Variants in KDM4C observed in about 807,000 individuals in gnomAD.
KDM4C encodes lysine demethylase 4C, also known as lysine-specific demethylase 4C.
Under a neutral mutation model 129.3 loss-of-function variants are expected in KDM4C, and 81 were observed. The observed-to-expected ratio is 0.63, with a 90% CI of 0.52 to 0.75. The LOEUF (loss-of-function observed/expected upper bound fraction) is 0.75, where lower values mean the gene tolerates loss of function less well. KDM4C is among the 30% of genes least tolerant of loss of function. The probability of loss-of-function intolerance (pLI) is 0.00; values close to 1 mark genes in which losing one functional copy is unlikely to be tolerated. For missense variants in KDM4C, 1,457 were observed against 1,304.0 expected (o/e 1.12, Z -1.81); for synonymous variants, 573 against 456.1 (o/e 1.26, Z -3.26).
In KDM4C at chr9:6,984,100, A is replaced by G. The variant is rs368424371; in HGVS notation, c.1116-66A>G. On this transcript the variant is annotated intron_variant, in intron 9 of 21. Transcript: ENST00000381309. ...TTAAGCAAGTGAAAATGACATTTATATTGGGATGTGTTTTTCATATCCATT... is the reference window on the plus strand; with the variant it reads ...TTAAGCAAGTGAAAATGACATTTATGTTGGGATGTGTTTTTCATATCCATT... The G allele has an allele frequency of 1.1e-5, 11 of 958,302 alleles. No homozygotes were observed. The African/African-American group carries it at 1.8e-4, about 16-fold the overall frequency. 59.4% of individuals were successfully genotyped at this position (958,302 alleles called of 1,614,324 possible). A position where few individuals can be genotyped will look rare whatever the true frequency, so the allele number is the denominator to read the frequency against.
At chr9:6,747,497 G>A (rs991557468) in intron 1 of KDM4C, among the ~76,000 whole-genome samples, 14 of 136,544 alleles carry the variant, frequency 1.0e-4, no homozygotes, top group African/African-American at 3.1e-4. Flanking sequence ...GCAGTGAGCC[G>A]AGATCGCGCC....
intron 19 of KDM4C, among the ~76,000 whole-genome samples, chr9:7,164,126 G>C (rs1844106112): frequency 6.6e-6 from 1 of 152,192 alleles, no homozygotes; most frequent in East Asian, 1.9e-4. Flanking sequence ...GATTGGTCAA[G>C]TGTGCATTTC....
chr9:7,060,454 G>GTTGTTATTATTA lies in KDM4C; in HGVS notation c.2424+11256_2424+11257insGTTATTATTATT, dbSNP rs1236293034. On this transcript the variant is annotated intron_variant, in intron 17 of 21. Transcript: ENST00000381309. ...GGGATGACTTTTTAGCAGTATTGTT[G>GTTGTTATTATTA]TTATTATTATTATTATTATTATTAT... Among the ~76,000 whole-genome samples, 92 of 127,526 alleles carry GTTGTTATTATTA rather than the reference G, an allele frequency of 7.2e-4. 2 individuals carry two copies. Among genetic ancestry groups the GTTGTTATTATTA allele is most frequent in the Admixed American group, 4.0e-3 (51 of 12,840 alleles). 83.7% of individuals were successfully genotyped at this position (127,526 alleles called of 152,430 possible). A position where few individuals can be genotyped will look rare whatever the true frequency, so the allele number is the denominator to read the frequency against.
Position 7,103,555 on chromosome 9 carries a change from T to A in KDM4C, c.2425-130T>A, listed in dbSNP as rs933067023. 3.9e-5 allele frequency: 28 copies of A among 709,390 alleles called. No homozygotes were observed. The African/African-American group carries it at 4.5e-4, about 11-fold the overall frequency. 43.9% of individuals were successfully genotyped at this position (709,390 alleles called of 1,614,324 possible). The stretch of plus-strand genomic sequence containing the variant: ...GTCACCACTAGGGCCCCTGGAGGGG[T>A]CAGGACTTGTTGATGTAATCAGTTG... On this transcript the variant is annotated intron_variant, in intron 17 of 21. Transcript: ENST00000381309.
chr9:6,937,303 A>G (rs1480407767), intron 8 of KDM4C, among the ~76,000 whole-genome samples: 1 of 152,220 alleles, frequency 6.6e-6, no homozygotes, highest in Non-Finnish European at 1.5e-5. Flanking sequence ...GAAAAAGCAA[A>G]TTAAAATTTA....
At chr9:6,887,093 G>T (rs1223307938) in intron 6 of KDM4C, among the ~76,000 whole-genome samples, 1 of 152,156 alleles carries the variant, frequency 6.6e-6, no homozygotes, top group African/African-American at 2.4e-5. Context: ...TTCCTTTTGT[G>T]TTCTCCCTCC....
At chr9:7,032,233 C>G (rs1826902447) in intron 15 of KDM4C, among the ~76,000 whole-genome samples, 6 of 152,194 alleles carry the variant, frequency 3.9e-5, no homozygotes, top group Admixed American at 3.9e-4. Context: ...AAGAAGCAAC[C>G]TAACTCCATT....
intron 19 of KDM4C, among the ~76,000 whole-genome samples, chr9:7,151,766 G>T (rs1842752865): frequency 6.6e-6 from 1 of 152,156 alleles, no homozygotes; most frequent in Non-Finnish European, 1.5e-5. Flanking sequence ...GAAGCAGCTT[G>T]GCTTGAATCG....
At chr9:7,015,950 T>C in intron 15 of KDM4C, 21 bp downstream of exon 15, 2 of 1,562,122 alleles carry the variant, frequency 1.3e-6, no homozygotes, top group Non-Finnish European at 1.8e-6. Context: ...TATTTTAGTA[T>C]TGCTTAACCT....
intron 8 of KDM4C, among the ~76,000 whole-genome samples, chr9:6,928,403 C>T (rs2131281554): frequency 1.3e-5 from 2 of 152,222 alleles, no homozygotes; most frequent in Middle Eastern, 6.8e-3. Context: ...CTTGTTTGTG[C>T]ATGTATCTCT....
intron 17 of KDM4C, among the ~76,000 whole-genome samples, chr9:7,092,080 G>A (rs998664474): frequency 6.6e-6 from 1 of 152,204 alleles, no homozygotes; most frequent in Non-Finnish European, 1.5e-5. Flanking sequence ...TTGGCAAACT[G>A]AAAAGAACTG....
intron 12 of KDM4C, among the ~76,000 whole-genome samples, chr9:6,991,456 G>A (rs577933208): frequency 1.2e-4 from 18 of 152,028 alleles, no homozygotes; most frequent in African/African-American, 4.8e-5. Flanking sequence ...TCCCTGATTC[G>A]TAAGTGTCTT....
intron 15 of KDM4C, among the ~76,000 whole-genome samples, chr9:7,020,055 C>G (rs959062337): frequency 1.3e-5 from 2 of 152,046 alleles, no homozygotes; most frequent in African/African-American, 2.4e-5. Flanking sequence ...GTGTCCTCAT[C>G]ATTTCTAAAG....
intron 17 of KDM4C, among the ~76,000 whole-genome samples, chr9:7,077,800 A>G (rs1834093956): frequency 6.6e-6 from 1 of 152,232 alleles, no homozygotes; most frequent in Non-Finnish European, 1.5e-5. Context: ...CAGTCAGTCT[A>G]CAGAGAAAGA....
rs564691599 is a variant in KDM4C, at chr9:7,145,216, C to T, written c.2781+16980C>T. Among the ~76,000 whole-genome samples the T allele has an allele frequency of 3.3e-5, 5 of 152,282 alleles. No homozygotes were observed. In the South Asian group the frequency reaches 6.2e-4, roughly 19 times the overall value. On this transcript the variant is annotated intron_variant, in intron 19 of 21. Transcript: ENST00000381309. ...GGGTGGCGGGGGAGAAAGCTAACTA[C>T]GTGTCTGCGTTTGATTTTTTTCCTG...
At chr9:6,811,240 G>T (rs1015986826) in intron 3 of KDM4C, among the ~76,000 whole-genome samples, 4 of 151,916 alleles carry the variant, frequency 2.6e-5, no homozygotes, top group African/African-American at 9.7e-5. Context: ...TGCAACCTCC[G>T]CCTGCTGGGT....
At chr9:7,052,517 C>G (rs1272917777) in intron 17 of KDM4C, among the ~76,000 whole-genome samples, 1 of 152,190 alleles carries the variant, frequency 6.6e-6, no homozygotes, top group Non-Finnish European at 1.5e-5. Context: ...TTAAATGTAA[C>G]AGATCTAATT....
intron 1 of KDM4C, among the ~76,000 whole-genome samples, chr9:6,770,625 A>G (rs1421261091): frequency 1.3e-5 from 2 of 151,322 alleles, no homozygotes; most frequent in Non-Finnish European, 1.5e-5. Flanking sequence ...AATTGCCATA[A>G]TTCTCTAAAA....
intron 8 of KDM4C, chr9:6,948,021 GT>G (rs1199788026): frequency 6.6e-6 from 1 of 151,852 alleles, no homozygotes; most frequent in Non-Finnish European, 1.5e-5. Flanking sequence ...TTGATTTCCT[GT>G]TTTTTTCTAG....
Sources: allele counts gnomAD v4.1 joint callset (sites outside exome capture counted in the v4.1 genomes callset), GRCh38; gene constraint gnomAD v4.1.1; transcripts MANE v1.5; gene names NCBI Gene and HGNC (gene_info 2026-07-23, HGNC 2026-07-21).